FAM107B: variants seen among roughly 807,000 people sequenced by gnomAD.
FAM107B encodes the protein family with sequence similarity 107 member B.
Under a neutral mutation model 31.5 loss-of-function variants are expected in FAM107B, and 21 were observed. The observed-to-expected ratio is 0.67, with a 90% CI of 0.47 to 0.96. The LOEUF (loss-of-function observed/expected upper bound fraction) is 0.96. FAM107B is among the 40% of genes least tolerant of loss of function. The pLI is 0.00. For synonymous variants in FAM107B, 157 were observed against 141.5 expected, an observed-to-expected ratio of 1.11 and a Z score of -0.78; for missense variants, 452 against 377.1, an observed-to-expected ratio of 1.20 and a Z score of -1.64.
At chr10:14,538,967 G>C (rs1048867779) in intron 2 of FAM107B, among the ~76,000 whole-genome samples, 3 of 152,192 alleles carry the variant, frequency 2.0e-5, no homozygotes, top group Admixed American at 6.5e-5. Context: ...TGCATATGCA[G>C]AGTTGGTCTC....
intron 2 of FAM107B, among the ~76,000 whole-genome samples, chr10:14,578,732 G>A (rs1177605897): frequency 6.6e-6 from 1 of 152,188 alleles, no homozygotes; most frequent in East Asian, 1.9e-4. Context: ...AAGAAAAACA[G>A]AACTATTTAA....
At chr10:14,547,355 A>T (rs766397852) in intron 2 of FAM107B, among the ~76,000 whole-genome samples, 1 of 152,196 alleles carries the variant, frequency 6.6e-6, no homozygotes. Context: ...GTAAAATGAC[A>T]GCCAGTCATT....
chr10:14,538,460 CAG>C (rs1485823437), intron 2 of FAM107B, among the ~76,000 whole-genome samples: 1 of 152,196 alleles, frequency 6.6e-6, no homozygotes, highest in Non-Finnish European at 1.5e-5. Flanking sequence ...AAGCAAGATG[CAG>C]AAGAGTATAT....
chr10:14,729,673 C>T (rs566630527), intron 1 of FAM107B, among the ~76,000 whole-genome samples: 78 of 152,282 alleles, frequency 5.1e-4, no homozygotes, highest in Non-Finnish European at 7.8e-4. Context: ...TTTCACCCAG[C>T]GATCCCATTA....
intron 3 of FAM107B, among the ~76,000 whole-genome samples, chr10:14,528,442 A>G (rs1377350591): frequency 2.0e-5 from 3 of 152,146 alleles, no homozygotes; most frequent in Non-Finnish European, 4.4e-5. Flanking sequence ...TTGGCTTCTC[A>G]AAGTGGTGGG....
At position 14,572,736 on chromosome 10, in the gene FAM107B, A is replaced by ATTATATATATATATATATATATAT. The variant is rs1455058375; in HGVS notation, c.470-42222_470-42221insATATATATATATATATATATATAA. ...CCCCATCTCTTCAAAAAAAAAAAAA[A>ATTATATATATATATATATATATAT]ATTTATATATATATATATATATATT... On this transcript the variant is annotated intron_variant, in intron 2 of 4. Coordinates refer to ENST00000181796, the MANE Select transcript of FAM107B (RefSeq NM_031453.4). Among the ~76,000 whole-genome samples the ATTATATATATATATATATATATAT allele has an allele frequency of 1.3e-3, 109 of 86,436 alleles. 2 individuals are homozygous for ATTATATATATATATATATATATAT. The highest frequency in any genetic ancestry group is 4.1e-3 in the African/African-American group (102 of 24,858). 56.7% of individuals were successfully genotyped at this position (86,436 alleles called of 152,430 possible).
chr10:14,767,074 A>G (rs1480274621), intron 1 of FAM107B, among the ~76,000 whole-genome samples: 1 of 102,698 alleles, frequency 9.7e-6, no homozygotes, highest in Non-Finnish European at 1.9e-5. Flanking sequence ...AGAGAGAGAG[A>G]GAGAGAGAGA....
chr10:14,662,633 C>T (rs921816091), intron 2 of FAM107B, among the ~76,000 whole-genome samples: 6 of 152,072 alleles, frequency 3.9e-5, no homozygotes, highest in African/African-American at 1.4e-4. Flanking sequence ...GTTTAAAATC[C>T]CTTTCATAAC....
intron 2 of FAM107B, among the ~76,000 whole-genome samples, chr10:14,622,390 C>A (rs112627421): frequency 0.044 from 6,531 of 149,282 alleles, 463 homozygotes; most frequent in African/African-American, 0.15. Context: ...TCACTGCAAC[C>A]TCTGCCTCCC....
At chr10:14,531,582 A>G (rs1410533316) in intron 2 of FAM107B, among the ~76,000 whole-genome samples, 1 of 145,880 alleles carries the variant, frequency 6.9e-6, no homozygotes, top group Admixed American at 6.8e-5. Flanking sequence ...TGGCTCATAT[A>G]TGTAACCCCA....
intron 2 of FAM107B, among the ~76,000 whole-genome samples, chr10:14,564,240 A>G (rs907361204): frequency 2.2e-4 from 34 of 152,090 alleles, no homozygotes; most frequent in African/African-American, 1.2e-4. Context: ...ATCCATTGAC[A>G]TTGTGTTTGC....
At chr10:14,575,409 G>T (rs1323593059) in intron 2 of FAM107B, among the ~76,000 whole-genome samples, 2 of 152,018 alleles carry the variant, frequency 1.3e-5, no homozygotes, top group Non-Finnish European at 2.9e-5. Context: ...CACCATGTTG[G>T]CCAGGCTGGT....
chr10:14,627,710 C>T (rs1332990942), intron 2 of FAM107B, among the ~76,000 whole-genome samples: 2 of 152,074 alleles, frequency 1.3e-5, no homozygotes, highest in Non-Finnish European at 2.9e-5. Context: ...GAGTTCAAGG[C>T]TGCAGTGAGC....
chr10:14,683,074 T>C (rs1395181064), intron 1 of FAM107B, among the ~76,000 whole-genome samples: 1 of 152,140 alleles, frequency 6.6e-6, no homozygotes, highest in Non-Finnish European at 1.5e-5. Flanking sequence ...GTGAAGATGT[T>C]GTCTAAAGGT....
intron 2 of FAM107B, among the ~76,000 whole-genome samples, chr10:14,569,969 C>T (rs1315763935): frequency 2.0e-5 from 3 of 152,164 alleles, no homozygotes; most frequent in Admixed American, 6.5e-5. Context: ...GCAACTCAGT[C>T]GCTTTTCTAA....
At chr10:14,626,347 T>A (rs1853161031) in intron 2 of FAM107B, among the ~76,000 whole-genome samples, 1 of 152,160 alleles carries the variant, frequency 6.6e-6, no homozygotes, top group African/African-American at 2.4e-5. Flanking sequence ...TCAGTCAGAC[T>A]GTGCAATTGT....
intron 2 of FAM107B, among the ~76,000 whole-genome samples, chr10:14,647,408 G>C (rs920155611): frequency 6.6e-6 from 1 of 152,160 alleles, no homozygotes; most frequent in Non-Finnish European, 1.5e-5. Flanking sequence ...TCTGGGTGCA[G>C]TGGCTCAGGC....
At chr10:14,546,646 T>TTTTAATAAC (rs1848723182) in intron 2 of FAM107B, among the ~76,000 whole-genome samples, 1 of 152,226 alleles carries the variant, frequency 6.6e-6, no homozygotes, top group South Asian at 2.1e-4. Flanking sequence ...CAGTGACTGC[T>TTTTAATAAC]CAGACACGGT....
intron 1 of FAM107B, among the ~76,000 whole-genome samples, chr10:14,730,302 G>T: frequency 6.6e-6 from 1 of 152,194 alleles, no homozygotes; most frequent in East Asian, 1.9e-4. Flanking sequence ...GTTCTCCCAG[G>T]TGAGTTTAAT....
Sources: gnomAD v4.1 joint callset for allele counts (sites outside exome capture counted in the v4.1 genomes callset) on GRCh38, gnomAD v4.1.1 for gene constraint, MANE v1.5 for transcripts, NCBI Gene and HGNC (gene_info 2026-07-23, HGNC 2026-07-21) for gene names.